Variants in ARL5C observed in about 807,000 individuals in gnomAD.
ARL5C encodes ARF like GTPase 5C.
Under a neutral mutation model 20.8 loss-of-function variants are expected in ARL5C, and 21 were observed. That is an observed-to-expected ratio of 1.01 (90% CI 0.72 to 1.46). ARL5C has a LOEUF of 1.46. Ranked by LOEUF, ARL5C falls within the 40% of genes most tolerant of loss-of-function variation. ARL5C has a pLI of 0.00. For missense variants in ARL5C, 199 were observed against 225.1 expected (o/e 0.88, Z 0.74); for synonymous variants, 71 against 81.6 (o/e 0.87, Z 0.70).
At position 39,160,635 on chromosome 17, in the gene ARL5C, G is replaced by A. The variant is rs368039264; in HGVS notation, c.447C>T (p.Asp149=). ...SHFLTLSTIK[D]HSWHIQGCCA... ...AGCAGCCTTGTATATGCCACGAGTG[G>A]TCTTTGATGGTGCTGAGAGTAAGGA... Residue 149 remains aspartate (D), a synonymous_variant, in exon 5 of 6, where the codon GAC becomes GAT. Coordinates refer to ENST00000269586, the MANE Select transcript of ARL5C (RefSeq NM_001143968.1). 2.6e-6 allele frequency: 4 copies of A among 1,551,858 alleles called. No individual in the cohort carries two copies. In the African/African-American group the frequency reaches 4.1e-5, roughly 16 times the overall value.
At chr17:39,164,932 AG>A in intron 2 of ARL5C, 146 bp downstream of exon 2, 1 of 733,376 alleles carries the variant, frequency 1.4e-6, no homozygotes, top group South Asian at 1.7e-5. Flanking sequence ...CCGCAGTACT[AG>A]GAAGGTCCAA....
chr17:39,158,005 G>A (rs1186593478), intron 5 of ARL5C, among the ~76,000 whole-genome samples: 3 of 152,086 alleles, frequency 2.0e-5, no homozygotes, highest in Non-Finnish European at 2.9e-5. Context: ...GGCTGAGGCA[G>A]GAGAATGGCG....
chr17:39,165,727 AG>A lies in ARL5C; in HGVS notation c.33del (p.Phe12SerfsTer26). The A allele has an allele frequency of 6.4e-7, 1 of 1,551,848 alleles. No individual in the cohort carries two copies. Among genetic ancestry groups the A allele is most frequent in the Non-Finnish European group, 8.7e-7 (1 of 1,146,980 alleles). MGQLIAKLMS[I>X]FGNQEHTVII... The stretch of plus-strand genomic sequence containing the variant: ...GTGCGCCCCTTACCCTGGTTCCCGA[AG>A]ATGCTCATTAACTTGGCGATCAGCT... On this transcript the variant is annotated frameshift_variant, in exon 1 of 6. Coordinates refer to ENST00000269586, the MANE Select transcript of ARL5C (RefSeq NM_001143968.1). LOFTEE classifies it high-confidence loss of function.
intron 4 of ARL5C, 82 bp from the exon 5 acceptor site, chr17:39,160,824 C>T: frequency 2.0e-6 from 3 of 1,485,336 alleles, no homozygotes; most frequent in Non-Finnish European, 9.0e-7. Flanking sequence ...CTCTCTGGCT[C>T]CCTCTCCAGC....
chr17:39,165,875 GT>G lies in ARL5C; in HGVS notation c.-116del. 7.7e-7 allele frequency: 1 copy of G among 1,295,292 alleles called. No homozygotes were observed. Among genetic ancestry groups the G allele is most frequent in the Non-Finnish European group, 1.1e-6 (1 of 927,204 alleles). The allele number at this position is 1,295,292 out of a possible 1,614,324, so 80.2% of individuals were successfully genotyped here. A position where few individuals can be genotyped will look rare whatever the true frequency, so the allele number is the denominator to read the frequency against. On this transcript the variant is annotated 5_prime_UTR_variant, in exon 1 of 6. Transcript: ENST00000269586. ...GGGTCTGGCAGATTTTGCCTACGAA[GT>G]TAGGGAAGCCCCACACGTCACCAAC...
intron 5 of ARL5C, among the ~76,000 whole-genome samples, chr17:39,159,054 C>T (rs2045421512): frequency 1.7e-5 from 1 of 60,130 alleles, no homozygotes; most frequent in African/African-American, 6.2e-5. Context: ...TTTTTTGAGA[C>T]AGGATCTTGC....
chr17:39,163,505 G>A (rs1202243818), intron 2 of ARL5C, among the ~76,000 whole-genome samples: 2 of 150,918 alleles, frequency 1.3e-5, no homozygotes, highest in Non-Finnish European at 2.9e-5. Context: ...CAATTCTCCC[G>A]CCTCGGCCTC....
chr17:39,161,032 C>T (rs2045432156), intron 4 of ARL5C, among the ~76,000 whole-genome samples: 1 of 152,222 alleles, frequency 6.6e-6, no homozygotes, highest in South Asian at 2.1e-4. Context: ...TGTCCAAAGT[C>T]CTACAGTGAA....
At chr17:39,163,396 C>CTTTCTTTCTTTCTTTCTT (rs1567781477) in intron 2 of ARL5C, among the ~76,000 whole-genome samples, 3 of 32,402 alleles carry the variant, frequency 9.3e-5, no homozygotes, top group Non-Finnish European at 2.0e-4. Flanking sequence ...CTTTCTTTCT[C>CTTTCTTTCTTTCTTTCTT]TCTTTCTTTC....
At chr17:39,163,842 G>A (rs1233736935) in intron 2 of ARL5C, among the ~76,000 whole-genome samples, 1 of 151,540 alleles carries the variant, frequency 6.6e-6, no homozygotes, top group African/African-American at 2.4e-5. Context: ...TCAGCTCACT[G>A]CAACCTCTGC....
chr17:39,163,788 T>G lies in ARL5C; in HGVS notation c.108-930A>C, dbSNP rs2045449556. Among the ~76,000 whole-genome samples the G allele has an allele frequency of 3.4e-5, 5 of 146,112 alleles. No homozygotes were observed. The Admixed American group carries it at 3.5e-4, about 10-fold the overall frequency. ...GGCACAATCTCAGCTCACTGCAACC[T>G]CCGCCTCCCTTTGTCGCCCAGGCTG... On this transcript the variant is annotated intron_variant, in intron 2 of 5. Transcript: ENST00000269586.
At chr17:39,158,244 C>A (rs2045416906) in intron 5 of ARL5C, among the ~76,000 whole-genome samples, 1 of 152,054 alleles carries the variant, frequency 6.6e-6, no homozygotes, top group Admixed American at 6.6e-5. Context: ...TTCTCCTGAC[C>A]CAGCGGGTGG....
intron 3 of ARL5C, among the ~76,000 whole-genome samples, 166 bp from the exon 4 acceptor site, chr17:39,161,517 T>TC (rs34077100): frequency 1.2e-5 from 1 of 80,538 alleles, no homozygotes; most frequent in African/African-American, 6.2e-5. Context: ...TATAATTGTC[T>TC]TTTTTTTTTT....
chr17:39,165,457 C>T (rs1207947822), intron 1 of ARL5C: 2 of 592,046 alleles, frequency 3.4e-6, no homozygotes, highest in Admixed American at 6.0e-5. Context: ...TCGCAGCAGC[C>T]CCCCATCCCC....
At chr17:39,157,627 T>C (rs954012828) in intron 5 of ARL5C, among the ~76,000 whole-genome samples, 10 of 150,546 alleles carry the variant, frequency 6.6e-5, no homozygotes, top group African/African-American at 2.2e-4. Context: ...CCGTCTCTAC[T>C]AGAAATACAA....
intron 2 of ARL5C, chr17:39,163,984 C>G (rs1157636745): frequency 6.6e-6 from 1 of 150,816 alleles, no homozygotes; most frequent in Non-Finnish European, 1.5e-5. Flanking sequence ...CCAGGCTGGT[C>G]TCGAACTCCT....
At position 39,165,158 on chromosome 17, in the gene ARL5C, G is replaced by C. The variant is rs1216014223; in HGVS notation, c.47-19C>G. The C allele has an allele frequency of 1.3e-6, 2 of 1,550,928 alleles. No homozygotes were observed. Among genetic ancestry groups the C allele is most frequent in the Non-Finnish European group, 1.7e-6 (2 of 1,146,748 alleles). ...GTGTGCTCTGGAAGCGTCGGAGGAA[G>C]GGCAGCGTCAGGGCCAAACCCGAAG... On this transcript the variant is annotated intron_variant, in intron 1 of 5. Coordinates refer to ENST00000269586, the MANE Select transcript of ARL5C (RefSeq NM_001143968.1).
chr17:39,165,593 A>G, intron 1 of ARL5C, 122 bp downstream of exon 1: 1 of 1,267,010 alleles, frequency 7.9e-7, no homozygotes, highest in African/African-American at 1.5e-5. Flanking sequence ...GGGGCAGTCG[A>G]GGAGCGCCCA....
At chr17:39,164,973 C>T (rs371277680) in intron 2 of ARL5C, 106 bp downstream of exon 2, 42 of 1,218,060 alleles carry the variant, frequency 3.4e-5, no homozygotes, top group African/African-American at 2.9e-4. Flanking sequence ...CTCCGGACTA[C>T]AGAGGAGCCC....
Sources: gnomAD v4.1 joint callset for allele counts (sites outside exome capture counted in the v4.1 genomes callset) on GRCh38, gnomAD v4.1.1 for gene constraint, MANE v1.5 for transcripts, NCBI Gene and HGNC (gene_info 2026-07-23, HGNC 2026-07-21) for gene names.